Variants in BMP2K observed in about 807,000 individuals in gnomAD.
BMP2K encodes BMP-2-inducible protein kinase.
In BMP2K, 74 loss-of-function variants were observed where a neutral mutation model predicts 116.0. The ratio of observed to expected loss-of-function variants is 0.64; its 90% confidence interval spans 0.53 to 0.77. The LOEUF (loss-of-function observed/expected upper bound fraction) is 0.77. BMP2K is among the 30% of genes least tolerant of loss of function. The pLI, the probability that BMP2K is intolerant of heterozygous loss-of-function variation, is 0.00. For synonymous variants in BMP2K, 486 were observed against 502.5 expected, an observed-to-expected ratio of 0.97 and a Z score of 0.44; for missense variants, 1,365 against 1,403.6, an observed-to-expected ratio of 0.97 and a Z score of 0.44.
chr4:78,842,613 A>G, intron 4 of BMP2K, 86 bp downstream of exon 4: 1 of 1,315,230 alleles, frequency 7.6e-7, no homozygotes, highest in Non-Finnish European at 1.0e-6. Context: ...CAGTATAAAA[A>G]CTGGCTTTGA....
chr4:78,797,634 T>C (rs1223436863), intron 1 of BMP2K, among the ~76,000 whole-genome samples: 2 of 152,184 alleles, frequency 1.3e-5, no homozygotes, highest in Non-Finnish European at 2.9e-5. Flanking sequence ...AGAAATATAG[T>C]GTGTCTTATC....
chr4:78,793,327 G>A lies in BMP2K; in HGVS notation c.178+16606G>A, dbSNP rs189543005. On this transcript the variant is annotated intron_variant, in intron 1 of 15. Transcript: ENST00000502613. ...CGGGAGGCTGAGGCAGGAGAATGGC[G>A]TGAACCCGGGAGGTGGAGCTTGCAG... Among the ~76,000 whole-genome samples the A allele has an allele frequency of 9.7e-4, 146 of 150,860 alleles. 1 individual carries two copies. The highest frequency in any genetic ancestry group is 3.0e-3 in the African/African-American group (122 of 41,014).
At chr4:78,894,782 T>A (rs759754358) in intron 15 of BMP2K, among the ~76,000 whole-genome samples, 7 of 152,230 alleles carry the variant, frequency 4.6e-5, no homozygotes, top group Non-Finnish European at 1.0e-4. Flanking sequence ...TTCAGCGTGC[T>A]TTCCTCTCTA....
At chr4:78,778,628 C>T (rs1261801556) in intron 1 of BMP2K, among the ~76,000 whole-genome samples, 1 of 152,222 alleles carries the variant, frequency 6.6e-6, no homozygotes, top group East Asian at 1.9e-4. Context: ...ACCCACACAA[C>T]TGGAATTGTC....
intron 1 of BMP2K, among the ~76,000 whole-genome samples, chr4:78,819,921 T>G (rs1729532831): frequency 6.6e-6 from 1 of 152,212 alleles, no homozygotes; most frequent in African/African-American, 2.4e-5. Context: ...TTGAAATGAT[T>G]TTGCAATACT....
intron 15 of BMP2K, among the ~76,000 whole-genome samples, chr4:78,896,393 G>A (rs1046377318): frequency 1.3e-5 from 2 of 152,080 alleles, no homozygotes; most frequent in Non-Finnish European, 2.9e-5. Flanking sequence ...AAAATTATCT[G>A]GGTTCAGTTT....
chr4:78,779,364 CTG>C lies in BMP2K; in HGVS notation c.178+2645_178+2646del, dbSNP rs370854437. Among the ~76,000 whole-genome samples the C allele has an allele frequency of 1.4e-3, 209 of 152,314 alleles. 1 individual carries two copies. Among genetic ancestry groups the C allele is most frequent in the African/African-American group, 4.9e-3 (202 of 41,576 alleles). ...AGATTATCTCACACTTGTATTTTCTCTGTAGTCTTTGCTCCTTGAACACTAGA... is the reference window on the plus strand; with the variant it reads ...AGATTATCTCACACTTGTATTTTCTCTAGTCTTTGCTCCTTGAACACTAGA... On this transcript the variant is annotated intron_variant, in intron 1 of 15. Coordinates refer to ENST00000502613, the MANE Select transcript of BMP2K (RefSeq NM_198892.2).
intron 7 of BMP2K, among the ~76,000 whole-genome samples, chr4:78,853,405 C>T (rs1436900383): frequency 6.6e-6 from 1 of 152,022 alleles, no homozygotes; most frequent in Non-Finnish European, 1.5e-5. Flanking sequence ...TAGAACTTTT[C>T]TTAGCTTTTG....
chr4:78,859,620 A>T lies in BMP2K; in HGVS notation c.920A>T (p.Asp307Val). Residue 307 changes from aspartate to valine, a missense_variant, in exon 8 of 16, where the codon GAT becomes GTT. Physicochemically the swap from Asp to Val is radical, Grantham distance 152 (BLOSUM62 -3). Coordinates refer to ENST00000502613, the MANE Select transcript of BMP2K (RefSeq NM_198892.2). Reference sequence around the variant, plus strand: ...GAACCAGATCCGGAACATAGACCTGATATATTTCAAGTGTCATATTTTGCA... The same window carrying T: ...GAACCAGATCCGGAACATAGACCTGTTATATTTCAAGTGTCATATTTTGCA... ...MLEPDPEHRP[D>V]IFQVSYFAFK... 1 of 1,610,880 alleles carries T rather than the reference A, an allele frequency of 6.2e-7. No homozygotes were observed. The highest frequency in any genetic ancestry group is 8.5e-7 in the Non-Finnish European group (1 of 1,178,334).
At chr4:78,807,117 G>T (rs1490276984) in intron 1 of BMP2K, among the ~76,000 whole-genome samples, 10 of 152,138 alleles carry the variant, frequency 6.6e-5, no homozygotes, top group Admixed American at 6.5e-4. Flanking sequence ...CTCCCAAAGT[G>T]CTGGGATTAT....
chr4:78,799,733 C>T (rs1728477487), intron 1 of BMP2K, among the ~76,000 whole-genome samples: 1 of 151,976 alleles, frequency 6.6e-6, no homozygotes, highest in South Asian at 2.1e-4. Flanking sequence ...GCTATGGTTA[C>T]AGTGATATGC....
In BMP2K at chr4:78,910,910, T is replaced by G; in HGVS notation, c.2363T>G (p.Leu788Arg). ...GAAAATCTGGGTCATAGGCCTCTCC[T>G]CATGGATTCTGAAGATGAGGAAGAA... ...EPENLGHRPL[L>R]MDSEDEEEEE... The change falls in exon 16 of 16, where the codon CTC (leucine) becomes CGC (arginine). Residue 788 changes from leucine to arginine, a missense_variant. Transcript: ENST00000502613. 1 of 1,613,942 alleles carries G rather than the reference T, an allele frequency of 6.2e-7. No homozygotes were observed. The highest frequency in any genetic ancestry group is 2.2e-5 in the East Asian group (1 of 44,868).
At chr4:78,868,064 AT>A (rs1457320143) in intron 10 of BMP2K, among the ~76,000 whole-genome samples, 11 of 152,218 alleles carry the variant, frequency 7.2e-5, no homozygotes, top group African/African-American at 2.2e-4. Flanking sequence ...TGTCTCAAAA[AT>A]AGTAAGTAAA....
intron 10 of BMP2K, 25 bp downstream of exon 10, chr4:78,865,745 C>A: frequency 6.2e-7 from 1 of 1,610,620 alleles, no homozygotes. Flanking sequence ...CCAACCTCAT[C>A]CTCTTAAAGG....
intron 1 of BMP2K, among the ~76,000 whole-genome samples, chr4:78,794,472 A>G (rs1162826792): frequency 6.6e-6 from 1 of 152,228 alleles, no homozygotes; most frequent in Non-Finnish European, 1.5e-5. Context: ...GGAGATTCAT[A>G]CACTTCATGC....
At chr4:78,894,491 TTTTC>T (rs537606654) in intron 15 of BMP2K, among the ~76,000 whole-genome samples, 2 of 152,236 alleles carry the variant, frequency 1.3e-5, no homozygotes, top group Non-Finnish European at 2.9e-5. Context: ...AGCTTCAGAT[TTTTC>T]TTCTGCAGGT....
intron 2 of BMP2K, among the ~76,000 whole-genome samples, chr4:78,827,760 A>AAAAACAAAAC (rs536489013): frequency 2.0e-5 from 3 of 151,426 alleles, no homozygotes; most frequent in African/African-American, 7.3e-5. Flanking sequence ...CCATTACTGT[A>AAAAACAAAAC]AAAACAAAAC....
intron 1 of BMP2K, among the ~76,000 whole-genome samples, chr4:78,795,695 A>G (rs546444027): frequency 6.6e-6 from 1 of 152,296 alleles, no homozygotes; most frequent in South Asian, 2.1e-4. Flanking sequence ...TTTCCAAGAA[A>G]AAAACAAACA....
At chr4:78,883,773 G>A (rs147014462) in intron 14 of BMP2K, among the ~76,000 whole-genome samples, 21 of 152,198 alleles carry the variant, frequency 1.4e-4, no homozygotes, top group South Asian at 1.0e-3. Flanking sequence ...GTTTAAATAC[G>A]TGGAGAGGGT....
Sources: gnomAD v4.1 joint callset for allele counts (sites outside exome capture counted in the v4.1 genomes callset) on GRCh38, gnomAD v4.1.1 for gene constraint, MANE v1.5 for transcripts, NCBI Gene and HGNC (gene_info 2026-07-23, HGNC 2026-07-21) for gene names.